The following CACNA2D3 variants were observed in gnomAD, a reference collection of about 807,000 sequenced individuals.
The protein encoded by CACNA2D3 is calcium voltage-gated channel auxiliary subunit alpha2delta 3.
CACNA2D3 carries 60 observed loss-of-function variants against 160.6 expected under a neutral mutation model. That is an observed-to-expected ratio of 0.37 (90% CI 0.30 to 0.46). CACNA2D3 has a LOEUF of 0.46. CACNA2D3 is among the 20% of genes least tolerant of loss of function. CACNA2D3 has a pLI of 1.00. For synonymous variants in CACNA2D3, 558 were observed against 492.9 expected, an observed-to-expected ratio of 1.13 and a Z score of -1.75; for missense variants, 1,205 against 1,365.0, an observed-to-expected ratio of 0.88 and a Z score of 1.85.
rs143268176 is a variant in CACNA2D3, at chr3:54,319,516, G to T, written c.205-926G>T. On this transcript the variant is annotated intron_variant, in intron 2 of 37. Coordinates refer to ENST00000474759, the MANE Select transcript of CACNA2D3 (RefSeq NM_018398.3). ...CCAGCTGTTTGATAACCAAATAAAT[G>T]TGATGGATTCATGTTGACATTAAAA... 4.6e-3 allele frequency among the ~76,000 whole-genome samples: 702 copies of T among 152,252 alleles called. 5 individuals are homozygous for T. Among genetic ancestry groups the T allele is most frequent in the African/African-American group, 0.016 (675 of 41,538 alleles).
intron 2 of CACNA2D3, among the ~76,000 whole-genome samples, chr3:54,129,124 C>A (rs951145554): frequency 1.3e-5 from 2 of 151,800 alleles, no homozygotes; most frequent in Admixed American, 6.6e-5. Context: ...TATTTAGTGA[C>A]CAACAGACTC....
At chr3:54,867,707 CT>C (rs1311414392) in intron 17 of CACNA2D3, among the ~76,000 whole-genome samples, 12 of 152,186 alleles carry the variant, frequency 7.9e-5, no homozygotes, top group African/African-American at 2.4e-4. Context: ...CAGGAAGACT[CT>C]CTCCAAGTAG....
chr3:54,404,434 C>G (rs948307045), intron 4 of CACNA2D3, among the ~76,000 whole-genome samples: 5 of 152,120 alleles, frequency 3.3e-5, no homozygotes, highest in Non-Finnish European at 1.5e-5. Context: ...GTTCAACATC[C>G]TTTCTTGATG....
At chr3:54,879,988 C>G (rs771462607) in intron 20 of CACNA2D3, among the ~76,000 whole-genome samples, 2 of 152,202 alleles carry the variant, frequency 1.3e-5, no homozygotes, top group Admixed American at 1.3e-4. Context: ...TGTTGTAATT[C>G]ATTTTGTAAA....
chr3:54,159,734 A>T (rs1337653333), intron 2 of CACNA2D3, among the ~76,000 whole-genome samples: 5 of 152,206 alleles, frequency 3.3e-5, no homozygotes, highest in Non-Finnish European at 7.3e-5. Flanking sequence ...AATTTGACCA[A>T]TAGAATTTCC....
At chr3:54,948,984 G>C (rs986700534) in intron 27 of CACNA2D3, among the ~76,000 whole-genome samples, 1 of 152,204 alleles carries the variant, frequency 6.6e-6, no homozygotes, top group Non-Finnish European at 1.5e-5. Flanking sequence ...GGTACAGTTG[G>C]ATCTGGGGCT....
At chr3:54,394,135 C>T (rs962850229) in intron 4 of CACNA2D3, among the ~76,000 whole-genome samples, 2 of 152,050 alleles carry the variant, frequency 1.3e-5, no homozygotes, top group Non-Finnish European at 1.5e-5. Context: ...GCTCCCTGGG[C>T]TCAAATCGTC....
chr3:54,433,809 G>A (rs960348410), intron 4 of CACNA2D3, among the ~76,000 whole-genome samples: 1 of 152,148 alleles, frequency 6.6e-6, no homozygotes, highest in Non-Finnish European at 1.5e-5. Context: ...CCTAGACAAA[G>A]GACGAGGAAA....
At chr3:54,562,722 C>A in intron 5 of CACNA2D3, 78 bp from the exon 6 acceptor site, 1 of 1,290,416 alleles carries the variant, frequency 7.7e-7, no homozygotes, top group Non-Finnish European at 1.1e-6. Context: ...CAGTATCTGC[C>A]AAGCAGCGTG....
At chr3:54,607,053 C>T (rs977048438) in intron 9 of CACNA2D3, among the ~76,000 whole-genome samples, 3 of 152,118 alleles carry the variant, frequency 2.0e-5, no homozygotes, top group Admixed American at 1.3e-4. Flanking sequence ...TGTAGTCCTT[C>T]GAGCCAGAGA....
intron 13 of CACNA2D3, among the ~76,000 whole-genome samples, chr3:54,809,229 T>TCTC (rs1472756232): frequency 1.3e-5 from 2 of 150,746 alleles, no homozygotes; most frequent in East Asian, 3.9e-4. Flanking sequence ...CTCTCATTTC[T>TCTC]CTCTTTCTCT....
At chr3:54,852,789 G>A (rs1699085859) in intron 17 of CACNA2D3, among the ~76,000 whole-genome samples, 1 of 152,188 alleles carries the variant, frequency 6.6e-6, no homozygotes, top group Non-Finnish European at 1.5e-5. Flanking sequence ...ATGGACACAT[G>A]TGAATATGTG....
chr3:55,051,887 C>T (rs1428659496), intron 35 of CACNA2D3, among the ~76,000 whole-genome samples: 1 of 152,190 alleles, frequency 6.6e-6, no homozygotes, highest in African/African-American at 2.4e-5. Flanking sequence ...GTCTGTCACC[C>T]CTTTCTTTGA....
At chr3:54,615,284 C>T (rs1049109699) in intron 9 of CACNA2D3, among the ~76,000 whole-genome samples, 25 of 152,202 alleles carry the variant, frequency 1.6e-4, no homozygotes, top group African/African-American at 5.8e-4. Context: ...AAAAACATCA[C>T]GAATGAATAG....
intron 4 of CACNA2D3, among the ~76,000 whole-genome samples, chr3:54,415,032 G>T (rs1253355121): frequency 6.6e-6 from 1 of 151,956 alleles, no homozygotes; most frequent in Non-Finnish European, 1.5e-5. Context: ...CTTTGTAAAG[G>T]GGGCATTTGG....
chr3:54,427,879 A>C (rs1297582021), intron 4 of CACNA2D3, among the ~76,000 whole-genome samples: 1 of 152,190 alleles, frequency 6.6e-6, no homozygotes, highest in Non-Finnish European at 1.5e-5. Flanking sequence ...CTCCCTGACC[A>C]GCATTGTGGC....
intron 11 of CACNA2D3, among the ~76,000 whole-genome samples, chr3:54,662,887 A>C (rs1405528213): frequency 6.6e-6 from 1 of 152,226 alleles, no homozygotes; most frequent in African/African-American, 2.4e-5. Flanking sequence ...TTAGGCTTGT[A>C]CTATGTGATC....
intron 14 of CACNA2D3, among the ~76,000 whole-genome samples, chr3:54,821,641 G>GTTCTTTCTTTCTTTCT (rs1181056443): frequency 5.8e-4 from 63 of 107,910 alleles, no homozygotes; most frequent in East Asian, 1.3e-3. Context: ...AGAGTCTTTC[G>GTTCTTTCTTTCTTTCT]TTCTTTCTTT....
intron 2 of CACNA2D3, among the ~76,000 whole-genome samples, chr3:54,289,315 A>G (rs56956828): frequency 1.3e-5 from 2 of 151,624 alleles, no homozygotes; most frequent in Non-Finnish European, 2.9e-5. Context: ...CAATTGCTTC[A>G]AAGAGAATAA....
Sources: gnomAD v4.1 joint callset for allele counts (sites outside exome capture counted in the v4.1 genomes callset) on GRCh38, gnomAD v4.1.1 for gene constraint, MANE v1.5 for transcripts, NCBI Gene and HGNC (gene_info 2026-07-23, HGNC 2026-07-21) for gene names.